The following LHCGR variants were observed in gnomAD, a reference collection of about 807,000 sequenced individuals.
LHCGR encodes the protein lutropin-choriogonadotropic hormone receptor.
LHCGR carries 55 observed loss-of-function variants against 60.7 expected under a neutral mutation model. The observed-to-expected ratio is 0.91, with a 90% CI of 0.73 to 1.13. The LOEUF is 1.13. Ranked by LOEUF, LHCGR falls within the 50% of genes most tolerant of loss-of-function variation. LHCGR has a pLI of 0.00. For missense variants in LHCGR, 862 were observed against 836.0 expected, an observed-to-expected ratio of 1.03 and a Z score of -0.38; for synonymous variants, 337 against 316.5, an observed-to-expected ratio of 1.06 and a Z score of -0.69.
chr2:48,751,614 G>A (rs1013585680), intron 1 of LHCGR, among the ~76,000 whole-genome samples: 6 of 152,104 alleles, frequency 3.9e-5, no homozygotes, highest in Non-Finnish European at 8.8e-5. Flanking sequence ...AAGACACTAC[G>A]GCACTGAACA....
chr2:48,716,161 A>C (rs1321573845), intron 6 of LHCGR, among the ~76,000 whole-genome samples: 1 of 152,168 alleles, frequency 6.6e-6, no homozygotes, highest in Non-Finnish European at 1.5e-5. Context: ...GTTACACCCC[A>C]CAGCTTGTCC....
At chr2:48,743,549 C>T (rs1380265586) in intron 1 of LHCGR, among the ~76,000 whole-genome samples, 1 of 152,172 alleles carries the variant, frequency 6.6e-6, no homozygotes, top group African/African-American at 2.4e-5. Context: ...ACATGCAAAT[C>T]AATAAATGTA....
chr2:48,731,296 G>C lies in LHCGR; in HGVS notation c.164C>G (p.Ser55Ter). 6.2e-7 allele frequency: 1 copy of C among 1,609,280 alleles called. No individual in the cohort carries two copies. The highest frequency in any genetic ancestry group is 8.5e-7 in the Non-Finnish European group (1 of 1,177,136). ...PGPTAGLTRL[S>*]LAYLPVKVIP... ...CACTTTGACAGGGAGGTAGGCAAGT[G>C]ATCTAGAAAAGAAAAAAGGAAATCC... The change falls in exon 2 of 11, where the codon TCA becomes TGA. Residue 55 changes from serine to a stop codon, truncating the protein, a stop_gained and splice_region_variant. Transcript: ENST00000294954. LOFTEE classifies it high-confidence loss of function.
At chr2:48,707,379 C>T (rs1298357339) in intron 8 of LHCGR, among the ~76,000 whole-genome samples, 3 of 152,214 alleles carry the variant, frequency 2.0e-5, no homozygotes, top group African/African-American at 7.2e-5. Flanking sequence ...GGGTCAGGGA[C>T]CCCTTGAGGA....
intron 6 of LHCGR, among the ~76,000 whole-genome samples, chr2:48,718,153 C>G (rs1668344481): frequency 1.3e-5 from 2 of 152,050 alleles, no homozygotes; most frequent in Non-Finnish European, 2.9e-5. Context: ...CTTTGCTTTA[C>G]TTTGAGGATT....
chr2:48,711,900 T>C (rs926106407), intron 7 of LHCGR, among the ~76,000 whole-genome samples: 1 of 152,126 alleles, frequency 6.6e-6, no homozygotes, highest in Non-Finnish European at 1.5e-5. Flanking sequence ...CATACTTCCA[T>C]CTCAGAACTT....
chr2:48,751,598 T>C (rs974955257), intron 1 of LHCGR, among the ~76,000 whole-genome samples: 1 of 152,220 alleles, frequency 6.6e-6, no homozygotes, highest in African/African-American at 2.4e-5. Flanking sequence ...CATTGTGGGC[T>C]TCTCAAAGAC....
At position 48,739,690 on chromosome 2, in the gene LHCGR, A is replaced by G. The variant is rs555916478; in HGVS notation, c.162-8392T>C. On this transcript the variant is annotated intron_variant, in intron 1 of 10. Transcript: ENST00000294954. ...GGTGGGGGGAGTGGGGAGGGATAGC[A>G]TTAGGAGATATACCTAATGTTAAAT... is the stretch of plus-strand genomic sequence containing the variant. Among the ~76,000 whole-genome samples the G allele has an allele frequency of 2.2e-4, 34 of 152,266 alleles. No individual in the cohort carries two copies. In the South Asian group the frequency reaches 6.9e-3, roughly 31 times the overall value.
At chr2:48,753,535 C>A (rs540400028) in intron 1 of LHCGR, among the ~76,000 whole-genome samples, 1 of 152,126 alleles carries the variant, frequency 6.6e-6, no homozygotes, top group Non-Finnish European at 1.5e-5. Context: ...GTCTCTACCC[C>A]CAAACCTAGT....
intron 8 of LHCGR, among the ~76,000 whole-genome samples, chr2:48,702,022 G>T (rs1051560209): frequency 9.9e-5 from 15 of 152,188 alleles, no homozygotes; most frequent in African/African-American, 3.6e-4. Context: ...CACAGGATAG[G>T]TTCAATCAAT....
intron 8 of LHCGR, among the ~76,000 whole-genome samples, chr2:48,706,717 A>G (rs1179576358): frequency 1.3e-5 from 2 of 152,020 alleles, no homozygotes; most frequent in Non-Finnish European, 2.9e-5. Context: ...CGAAGTTCTC[A>G]TGCTGTGTTT....
intron 1 of LHCGR, among the ~76,000 whole-genome samples, chr2:48,738,032 G>T (rs566086312): frequency 9.8e-5 from 15 of 152,290 alleles, no homozygotes; most frequent in Middle Eastern, 6.8e-3. Flanking sequence ...TTGGATGTTT[G>T]TCGATACACT....
chr2:48,690,537 G>C, intron 10 of LHCGR, among the ~76,000 whole-genome samples: 1 of 152,178 alleles, frequency 6.6e-6, no homozygotes, highest in East Asian at 1.9e-4. Context: ...AGCTCTTGCA[G>C]ATCCCTTGGG....
intron 7 of LHCGR, among the ~76,000 whole-genome samples, chr2:48,710,022 C>G (rs868762134): frequency 6.6e-6 from 1 of 152,186 alleles, no homozygotes; most frequent in East Asian, 1.9e-4. Context: ...GAACATGATT[C>G]TCTTACCACA....
chr2:48,740,565 C>T (rs1179537280), intron 1 of LHCGR, among the ~76,000 whole-genome samples: 2 of 152,128 alleles, frequency 1.3e-5, no homozygotes, highest in Non-Finnish European at 2.9e-5. Flanking sequence ...CTGGGAGGCA[C>T]CCCCCAGTAG....
chr2:48,724,449 T>G (rs2104453433), intron 4 of LHCGR, among the ~76,000 whole-genome samples: 1 of 152,292 alleles, frequency 6.6e-6, no homozygotes, highest in Non-Finnish European at 1.5e-5. Flanking sequence ...TCTGTCACCC[T>G]CGTGACAATG....
chr2:48,714,665 G>A (rs1376856364), intron 6 of LHCGR, among the ~76,000 whole-genome samples: 3 of 152,078 alleles, frequency 2.0e-5, no homozygotes, highest in Non-Finnish European at 4.4e-5. Context: ...AAGTATTAGA[G>A]CATTTTGCAA....
intron 1 of LHCGR, among the ~76,000 whole-genome samples, chr2:48,754,707 A>G (rs577737540): frequency 6.6e-6 from 1 of 152,000 alleles, no homozygotes; most frequent in African/African-American, 2.4e-5. Flanking sequence ...TGGACATTTC[A>G]TGTAAATAGT....
chr2:48,709,083 C>T (rs112514514), intron 7 of LHCGR, 61 bp from the exon 8 acceptor site: 11 of 1,309,790 alleles, frequency 8.4e-6, no homozygotes, highest in Non-Finnish European at 1.1e-6. Context: ...ATTCGTAGCT[C>T]CATATACACA....
Sources: allele counts gnomAD v4.1 joint callset (sites outside exome capture counted in the v4.1 genomes callset), GRCh38; gene constraint gnomAD v4.1.1; transcripts MANE v1.5; gene names NCBI Gene and HGNC (gene_info 2026-07-23, HGNC 2026-07-21).